Variants in RAP1GAP2 observed in about 807,000 individuals in gnomAD.
RAP1GAP2 encodes the protein RAP1 GTPase activating protein 2, also known as rap1 GTPase-activating protein 2.
In RAP1GAP2, 27 loss-of-function variants were observed where a neutral mutation model predicts 95.0. That is an observed-to-expected ratio of 0.28 (90% confidence interval 0.21 to 0.39). The LOEUF (loss-of-function observed/expected upper bound fraction) is 0.39, where lower values mean the gene tolerates loss of function less well. Among genes scored for constraint, RAP1GAP2 ranks in the 10% least tolerant of loss-of-function variants. The pLI is 1.00. For synonymous variants in RAP1GAP2, 373 were observed against 380.9 expected, an observed-to-expected ratio of 0.98 and a Z score of 0.24; for missense variants, 771 against 970.0, an observed-to-expected ratio of 0.79 and a Z score of 2.72.
At chr17:2,875,065 T>C (rs1173747590) in intron 2 of RAP1GAP2, among the ~76,000 whole-genome samples, 3 of 152,078 alleles carry the variant, frequency 2.0e-5, no homozygotes, top group Non-Finnish European at 4.4e-5. Flanking sequence ...AAGCAAGTTT[T>C]TGTTTTGTTT....
At chr17:2,765,825 C>G (rs1950446724) in intron 1 of RAP1GAP2, among the ~76,000 whole-genome samples, 1 of 151,902 alleles carries the variant, frequency 6.6e-6, no homozygotes, top group African/African-American at 2.4e-5. Context: ...AAAAATGAGC[C>G]AGGCATGGTG....
upstream of RAP1GAP2, among the ~76,000 whole-genome samples, chr17:2,792,437 T>TA (rs1430013894): frequency 6.6e-6 from 1 of 152,080 alleles, no homozygotes; most frequent in African/African-American, 2.4e-5. Flanking sequence ...AGAGATTAGG[T>TA]AACTTGCCCA....
intron 1 of RAP1GAP2, among the ~76,000 whole-genome samples, chr17:2,788,058 G>A (rs1485885180): frequency 6.6e-6 from 1 of 152,142 alleles, no homozygotes; most frequent in Non-Finnish European, 1.5e-5. Flanking sequence ...ATTAACATCT[G>A]TATACATAGA....
upstream of RAP1GAP2, among the ~76,000 whole-genome samples, chr17:2,792,405 A>C (rs1280284691): frequency 6.6e-6 from 1 of 152,214 alleles, no homozygotes; most frequent in Admixed American, 6.5e-5. Flanking sequence ...CCCAAATTAC[A>C]GAAGAGAAAA....
At chr17:2,924,815 C>G (rs1182087394) in intron 3 of RAP1GAP2, among the ~76,000 whole-genome samples, 2 of 152,178 alleles carry the variant, frequency 1.3e-5, no homozygotes, top group Non-Finnish European at 2.9e-5. Context: ...CTCCCTGGCC[C>G]CTGAAGACAT....
intron 2 of RAP1GAP2, among the ~76,000 whole-genome samples, chr17:2,848,685 C>T (rs1163237807): frequency 2.0e-5 from 3 of 151,846 alleles, no homozygotes; most frequent in Admixed American, 6.6e-5. Flanking sequence ...GGATGATTTT[C>T]GTATTTTTAG....
intron 21 of RAP1GAP2, 104 bp downstream of exon 21, chr17:3,026,568 G>A: frequency 9.9e-7 from 1 of 1,007,750 alleles, no homozygotes; most frequent in Non-Finnish European, 1.4e-6. Flanking sequence ...GTCAGTCTTT[G>A]CAGAGGAAAG....
Position 2,815,072 on chromosome 17 carries a change from C to T in RAP1GAP2, c.80+14522C>T, listed in dbSNP as rs76855132. ...CTGCAGTACAGAATCACCTAGGGGA[C>T]CTCGTTAAAATGCAGCTTCCGGACC... On this transcript the variant is annotated intron_variant, in intron 2 of 24. Coordinates refer to ENST00000254695, the MANE Select transcript of RAP1GAP2 (RefSeq NM_015085.5). Among the ~76,000 whole-genome samples the T allele has an allele frequency of 5.3e-3, 801 of 152,202 alleles. 5 individuals carry two copies. The highest frequency in any genetic ancestry group is 0.018 in the African/African-American group (741 of 41,548).
intron 3 of RAP1GAP2, among the ~76,000 whole-genome samples, chr17:2,957,098 A>C (rs566826648): frequency 6.6e-6 from 1 of 151,122 alleles, no homozygotes; most frequent in East Asian, 2.0e-4. Context: ...ACTGCACTCC[A>C]GCCTGGGTGA....
At chr17:2,891,398 C>T (rs950795055) in intron 2 of RAP1GAP2, among the ~76,000 whole-genome samples, 7 of 152,134 alleles carry the variant, frequency 4.6e-5, no homozygotes, top group Admixed American at 1.3e-4. Flanking sequence ...GCCTTGGCCT[C>T]CCAAAGTACT....
At chr17:2,874,710 A>G (rs764684448) in intron 2 of RAP1GAP2, among the ~76,000 whole-genome samples, 6 of 152,184 alleles carry the variant, frequency 3.9e-5, no homozygotes, top group Non-Finnish European at 8.8e-5. Context: ...GCAGCCACCC[A>G]GCCAGGAAAA....
intron 3 of RAP1GAP2, 67 bp downstream of exon 3, chr17:2,905,435 G>A: frequency 1.3e-6 from 2 of 1,515,288 alleles, no homozygotes; most frequent in Non-Finnish European, 1.8e-6. Flanking sequence ...CCTTGCTGTG[G>A]CTTTGGCTCC....
At chr17:2,947,652 C>T (rs2043752005) in intron 3 of RAP1GAP2, among the ~76,000 whole-genome samples, 1 of 152,130 alleles carries the variant, frequency 6.6e-6, no homozygotes, top group Non-Finnish European at 1.5e-5. Context: ...TGTTCTGCAG[C>T]CAGCCTGGTG....
intron 3 of RAP1GAP2, among the ~76,000 whole-genome samples, chr17:2,915,081 C>T (rs1277113747): frequency 1.9e-4 from 29 of 151,996 alleles, no homozygotes; most frequent in Admixed American, 1.0e-3. Flanking sequence ...TGAGCCACTG[C>T]GTCCGGCCTT....
chr17:2,805,723 C>G (rs1027796272), intron 2 of RAP1GAP2, among the ~76,000 whole-genome samples: 1 of 150,516 alleles, frequency 6.6e-6, no homozygotes, highest in African/African-American at 2.5e-5. Flanking sequence ...ACAGAGACCC[C>G]TGCATCTTTG....
At position 3,004,805 on chromosome 17, in the gene RAP1GAP2, A is replaced by G. The variant is rs1341959451; in HGVS notation, c.1201-564A>G. Among the ~76,000 whole-genome samples the G allele has an allele frequency of 6.6e-6, 1 of 152,206 alleles. No individual in the cohort carries two copies. Among genetic ancestry groups the G allele is most frequent in the Non-Finnish European group, 1.5e-5 (1 of 68,034 alleles). On this transcript the variant is annotated intron_variant, in intron 14 of 24. Coordinates refer to ENST00000254695, the MANE Select transcript of RAP1GAP2 (RefSeq NM_015085.5). This position sits in a 1 kb window ranked among gnomAD's most constrained non-coding sequence, Gnocchi z 4.1. ...GGCAGGTTTAGGCCAGAGCCCATGA[A>G]CCCAGTCTGTATTTTTAAACACCTG...
intron 2 of RAP1GAP2, among the ~76,000 whole-genome samples, chr17:2,845,394 T>G (rs999475621): frequency 1.3e-5 from 2 of 152,010 alleles, no homozygotes; most frequent in African/African-American, 2.4e-5. Flanking sequence ...CCACCTGCCT[T>G]GGCCTCCCAA....
Position 3,012,961 on chromosome 17 carries a change from C to T in RAP1GAP2, c.1494+4816C>T, listed in dbSNP as rs1272429182. Among the ~76,000 whole-genome samples, 4 of 152,204 alleles carry T rather than the reference C, an allele frequency of 2.6e-5. No homozygotes were observed. The East Asian group carries it at 7.7e-4, about 29-fold the overall frequency. ...ATGGACGTAGAGCACGTGCAGGCCA[C>T]ATTTTGAGAAATGCTGAGCTCACCC... On this transcript the variant is annotated intron_variant, in intron 17 of 24. Coordinates refer to ENST00000254695, the MANE Select transcript of RAP1GAP2 (RefSeq NM_015085.5).
intron 1 of RAP1GAP2, among the ~76,000 whole-genome samples, chr17:2,789,145 C>G (rs747442415): frequency 8.5e-5 from 13 of 152,070 alleles, no homozygotes; most frequent in East Asian, 1.9e-4. Flanking sequence ...TTCCTGGGCT[C>G]AAGTGATCCT....
Sources: allele counts gnomAD v4.1 joint callset (sites outside exome capture counted in the v4.1 genomes callset), GRCh38; gene constraint gnomAD v4.1.1; non-coding constraint Gnocchi (gnomAD v3.1); transcripts MANE v1.5; gene names NCBI Gene and HGNC (gene_info 2026-07-23, HGNC 2026-07-21).